The following CDH13 variants were observed in gnomAD, a reference collection of about 807,000 sequenced individuals.
CDH13 encodes the protein cadherin 13, also known as cadherin-13.
A neutral mutation model predicts 63.8 loss-of-function variants in CDH13; 24 were observed. The observed-to-expected ratio is 0.38, with a 90% CI of 0.27 to 0.53. The LOEUF (loss-of-function observed/expected upper bound fraction) is 0.53. Ranked by LOEUF, CDH13 falls within the 20% of genes least tolerant of loss-of-function variation. The pLI is 0.85. For missense variants in CDH13, 1,049 were observed against 903.1 expected (o/e 1.16, Z -2.07); for synonymous variants, 503 against 355.3 (o/e 1.42, Z -4.67).
At chr16:83,271,422 T>TAAAAAACAAAAAAAAA (rs2088807123) in intron 5 of CDH13, among the ~76,000 whole-genome samples, 1 of 26,004 alleles carries the variant, frequency 3.8e-5, no homozygotes. Context: ...GCAGAGTTCA[T>TAAAAAACAAAAAAAAA]AAAAAAAAAA....
intron 7 of CDH13, among the ~76,000 whole-genome samples, chr16:83,574,581 C>T (rs183811417): frequency 6.6e-6 from 1 of 152,340 alleles, no homozygotes. Context: ...ACCTGTGAGT[C>T]ACTGCAGCTC....
chr16:83,761,519 T>G (rs1286718107), intron 11 of CDH13, among the ~76,000 whole-genome samples: 1 of 152,162 alleles, frequency 6.6e-6, no homozygotes, highest in Non-Finnish European at 1.5e-5. Context: ...GAAAATGATG[T>G]ACAGAAAATG....
chr16:82,796,955 A>G (rs542166624), intron 1 of CDH13, among the ~76,000 whole-genome samples: 3 of 152,238 alleles, frequency 2.0e-5, no homozygotes, highest in Admixed American at 6.5e-5. Context: ...TTACAACTAG[A>G]CTGAATGCCC....
At chr16:83,435,833 C>A (rs114171138) in intron 6 of CDH13, among the ~76,000 whole-genome samples, 2 of 152,160 alleles carry the variant, frequency 1.3e-5, no homozygotes, top group Admixed American at 1.3e-4. Context: ...CTGTCTGTCT[C>A]CCTCATTGTA....
chr16:83,168,898 T>G (rs2037803890), intron 4 of CDH13, among the ~76,000 whole-genome samples: 1 of 152,250 alleles, frequency 6.6e-6, no homozygotes, highest in African/African-American at 2.4e-5. Flanking sequence ...CTCAATTTAT[T>G]GAAACTTTTC....
At chr16:83,064,699 A>C (rs1309314440) in intron 3 of CDH13, among the ~76,000 whole-genome samples, 1 of 152,176 alleles carries the variant, frequency 6.6e-6, no homozygotes. Flanking sequence ...AAATGTATTT[A>C]ATTAAAAGAA....
intron 2 of CDH13, among the ~76,000 whole-genome samples, chr16:83,024,809 G>C (rs1353141042): frequency 6.6e-6 from 1 of 152,186 alleles, no homozygotes; most frequent in African/African-American, 2.4e-5. Flanking sequence ...ATTTTGAGCA[G>C]GGCTCTGTAA....
chr16:83,068,019 A>G lies in CDH13; in HGVS notation c.366+35801A>G, dbSNP rs553381350. Among the ~76,000 whole-genome samples, 33 of 152,218 alleles carry G rather than the reference A, an allele frequency of 2.2e-4. No individual in the cohort carries two copies. In the South Asian group the frequency reaches 5.6e-3, roughly 26 times the overall value. ...CATGATCAGTTCATCATCTCAGTCA[A>G]TCCTCCCAGCTCCTCTATTAGATCC... On this transcript the variant is annotated intron_variant, in intron 3 of 13. Coordinates refer to ENST00000567109, the MANE Select transcript of CDH13 (RefSeq NM_001257.5).
chr16:82,929,302 G>T (rs998748667), intron 2 of CDH13, among the ~76,000 whole-genome samples: 1 of 151,972 alleles, frequency 6.6e-6, no homozygotes, highest in African/African-American at 2.4e-5. Flanking sequence ...TATGAGATTA[G>T]TGTCTTTATA....
chr16:82,952,525 C>G (rs1162213547), intron 2 of CDH13, among the ~76,000 whole-genome samples: 1 of 152,134 alleles, frequency 6.6e-6, no homozygotes, highest in Non-Finnish European at 1.5e-5. Context: ...GTGCTTGTTG[C>G]TTTTCAAAAA....
chr16:83,167,876 A>T (rs1051791147), intron 4 of CDH13, among the ~76,000 whole-genome samples: 6 of 152,094 alleles, frequency 3.9e-5, no homozygotes, highest in Admixed American at 1.3e-4. Flanking sequence ...AGCCATAAAA[A>T]AATAAAATCA....
intron 2 of CDH13, among the ~76,000 whole-genome samples, chr16:82,880,323 T>C (rs920616392): frequency 3.9e-5 from 6 of 152,118 alleles, no homozygotes; most frequent in African/African-American, 1.4e-4. Flanking sequence ...TTTTAGTTTC[T>C]TATTAGACTG....
At chr16:82,738,981 G>T (rs1424145772) in intron 1 of CDH13, among the ~76,000 whole-genome samples, 2 of 152,148 alleles carry the variant, frequency 1.3e-5, no homozygotes, top group Non-Finnish European at 2.9e-5. Context: ...AGTTAATGCA[G>T]AAATGAGTTA....
At chr16:83,736,491 A>C (rs2150957503) in intron 10 of CDH13, among the ~76,000 whole-genome samples, 1 of 152,264 alleles carries the variant, frequency 6.6e-6, no homozygotes, top group Non-Finnish European at 1.5e-5. Context: ...CTTGGCAGTC[A>C]ATTTGGTCAA....
At chr16:83,409,656 T>C (rs182549604) in intron 6 of CDH13, among the ~76,000 whole-genome samples, 55 of 152,344 alleles carry the variant, frequency 3.6e-4, no homozygotes, top group Admixed American at 8.5e-4. Flanking sequence ...GCCTAGCCTA[T>C]TTCCCTCTTC....
chr16:83,341,405 G>A (rs2090719435), intron 5 of CDH13, among the ~76,000 whole-genome samples: 1 of 152,180 alleles, frequency 6.6e-6, no homozygotes, highest in South Asian at 2.1e-4. Context: ...AAAACTCACG[G>A]GAATGTCAGA....
At chr16:82,745,210 G>A (rs997925116) in intron 1 of CDH13, among the ~76,000 whole-genome samples, 3 of 152,134 alleles carry the variant, frequency 2.0e-5, no homozygotes, top group African/African-American at 7.2e-5. Flanking sequence ...TGTGTGCGTG[G>A]GGCGATGCCA....
At chr16:83,544,683 A>T (rs2075353389) in intron 7 of CDH13, among the ~76,000 whole-genome samples, 1 of 152,196 alleles carries the variant, frequency 6.6e-6, no homozygotes, top group Non-Finnish European at 1.5e-5. Flanking sequence ...TCACTTTCAT[A>T]CTATTGTGAA....
At chr16:82,777,095 A>C (rs7194913) in intron 1 of CDH13, among the ~76,000 whole-genome samples, 23,228 of 152,092 alleles carry the variant, frequency 0.15, 1,907 homozygotes, top group African/African-American at 0.2. Context: ...ACAGACATAC[A>C]CTACCACACC....
Sources: allele counts gnomAD v4.1 joint callset (sites outside exome capture counted in the v4.1 genomes callset), GRCh38; gene constraint gnomAD v4.1.1; transcripts MANE v1.5; gene names NCBI Gene and HGNC (gene_info 2026-07-23, HGNC 2026-07-21).